The following KCNN4 variants were observed in gnomAD, a reference collection of about 807,000 sequenced individuals.
KCNN4 encodes intermediate conductance calcium-activated potassium channel protein 4.
A neutral mutation model predicts 45.2 loss-of-function variants in KCNN4; 31 were observed. The observed-to-expected ratio is 0.69, with a 90% CI of 0.52 to 0.92. The LOEUF (loss-of-function observed/expected upper bound fraction) is 0.92, where lower values mean the gene tolerates loss of function less well. KCNN4 is among the 40% of genes least tolerant of loss of function. The probability of loss-of-function intolerance (pLI) is 0.00; values close to 1 mark genes in which losing one functional copy is unlikely to be tolerated. For synonymous variants in KCNN4, 231 were observed against 254.6 expected, an observed-to-expected ratio of 0.91 and a Z score of 0.88; for missense variants, 463 against 574.0, an observed-to-expected ratio of 0.81 and a Z score of 1.98.
chr19:43,775,563 G>C (rs1969777421), intron 2 of KCNN4, among the ~76,000 whole-genome samples: 1 of 152,162 alleles, frequency 6.6e-6, no homozygotes, highest in Non-Finnish European at 1.5e-5. Context: ...AGATGATAAT[G>C]TGCACTGTTT....
intron 2 of KCNN4, among the ~76,000 whole-genome samples, 186 bp downstream of exon 2, chr19:43,776,355 G>T (rs1252985644): frequency 6.6e-6 from 1 of 151,742 alleles, no homozygotes; most frequent in Middle Eastern, 3.2e-3. Flanking sequence ...GGCGGAGCTG[G>T]TGGGGGAGGC....
chr19:43,776,449 A>G, intron 2 of KCNN4, 92 bp downstream of exon 2: 1 of 866,296 alleles, frequency 1.2e-6, no homozygotes, highest in Non-Finnish European at 2.0e-6. Context: ...TTCATTACTC[A>G]GATCAGGAGG....
At chr19:43,773,374 G>A (rs928693049) in intron 3 of KCNN4, among the ~76,000 whole-genome samples, 1 of 152,206 alleles carries the variant, frequency 6.6e-6, no homozygotes, top group African/African-American at 2.4e-5. Flanking sequence ...GGCTCAGAGA[G>A]GAGAGATCTA....
Position 43,774,762 on chromosome 19 carries a change from G to A in KCNN4, c.256-143C>T. ...GGGAGTGCAGGGCGGGAGAGGGATA[G>A]GGAGGGAGCGGGACAGGACTTGAGG... On this transcript the variant is annotated intron_variant, in intron 2 of 8. Transcript: ENST00000648319. This position sits in a 1 kb window ranked among gnomAD's most constrained non-coding sequence, Gnocchi z 5.6. 4.8e-6 allele frequency: 3 copies of A among 622,478 alleles called. No individual in the cohort carries two copies. The highest frequency in any genetic ancestry group is 3.1e-5 in the East Asian group (1 of 31,850). 38.6% of individuals were successfully genotyped at this position (622,478 alleles called of 1,614,324 possible).
In KCNN4 at chr19:43,769,845, G is replaced by A. The variant is rs200467362; in HGVS notation, c.820-16C>T. ...AGCAGACACCCTGTGGGCACAGCAG[G>A]CACCGTGGCATGAGGCTGTGCCACC... On this transcript the variant is annotated splice_polypyrimidine_tract_variant and intron_variant, in intron 4 of 8. Coordinates refer to ENST00000648319, the MANE Select transcript of KCNN4 (RefSeq NM_002250.3). This position sits in a 1 kb window ranked among gnomAD's most constrained non-coding sequence, Gnocchi z 4.4. The A allele has an allele frequency of 4.3e-5, 68 of 1,586,718 alleles. No individual in the cohort carries two copies. Among genetic ancestry groups the A allele is most frequent in the Middle Eastern group, 1.7e-4 (1 of 5,982 alleles).
chr19:43,777,326 G>GTGT (rs1555725374), intron 1 of KCNN4, among the ~76,000 whole-genome samples: 38,244 of 141,182 alleles, frequency 0.27, 5,309 homozygotes, highest in South Asian at 0.42. Context: ...TGTGTGTGTG[G>GTGT]GTGTGTGTGT....
Position 43,772,021 on chromosome 19 carries a change from G to A in KCNN4, c.798C>T (p.Val266=). 6.2e-7 allele frequency: 1 copy of A among 1,612,520 alleles called. No homozygotes were observed. The change falls in exon 4 of 9, where the codon GTC becomes GTT. Residue 266 remains valine (V), a synonymous_variant. Coordinates refer to ENST00000648319, the MANE Select transcript of KCNN4 (RefSeq NM_002250.3). The surrounding 1 kb of genome is among the most constrained non-coding windows in gnomAD (Gnocchi z 4.4). Reference sequence around the variant, plus strand: ...TCACCATGACTCCAGTGCACAGGCAGACGATCTTGCCCCACATGGTGCCCG... The same window carrying A: ...TCACCATGACTCCAGTGCACAGGCAAACGATCTTGCCCCACATGGTGCCCG... ...VVPGTMWGKI[V]CLCTGVMGVC... is the part of the protein sequence containing the mutation.
chr19:43,776,626 T>A lies in KCNN4; in HGVS notation c.170A>T (p.Tyr57Phe), dbSNP rs1362882367. 5 of 1,612,398 alleles carry A rather than the reference T, an allele frequency of 3.1e-6. No homozygotes were observed. Among genetic ancestry groups the A allele is most frequent in the Non-Finnish European group, 4.2e-6 (5 of 1,178,734 alleles). Residue 57 changes from tyrosine (Y) to phenylalanine (F), a missense_variant, in exon 2 of 9, where the codon TAC becomes TTC. Transcript: ENST00000648319. ...GATCGTGCATTTAACCAGGAACAGG[T>A]AGAGCGCCCACTGTCAGGGGGGACG... Reference protein sequence around the residue: ...LWFGGCSWALYLFLVKCTISI... With the variant: ...LWFGGCSWALFLFLVKCTISI...
intron 2 of KCNN4, among the ~76,000 whole-genome samples, chr19:43,776,082 C>T (rs1006893006): frequency 2.3e-5 from 3 of 131,500 alleles, no homozygotes; most frequent in Non-Finnish European, 4.6e-5. Flanking sequence ...GAGCAGAGAT[C>T]GTGCCACTCC....
At chr19:43,779,539 C>T (rs1399637086) in intron 1 of KCNN4, among the ~76,000 whole-genome samples, 1 of 152,156 alleles carries the variant, frequency 6.6e-6, no homozygotes, top group African/African-American at 2.4e-5. Context: ...AGTTCCACAA[C>T]CCTTCTGCCA....
At chr19:43,773,987 T>C (rs997896676) in intron 3 of KCNN4, among the ~76,000 whole-genome samples, 4 of 152,046 alleles carry the variant, frequency 2.6e-5, no homozygotes, top group African/African-American at 9.7e-5. Context: ...AGGTGGAGGA[T>C]TGGCTGGGGG....
Position 43,769,782 on chromosome 19 carries a change from C to G in KCNN4, c.867G>C (p.Leu289=), listed in dbSNP as rs1049763454. The G allele has an allele frequency of 1.9e-6, 3 of 1,613,876 alleles. No homozygotes were observed. Among genetic ancestry groups the G allele is most frequent in the Middle Eastern group, 1.7e-4 (1 of 6,060 alleles). The change falls in exon 5 of 9, where the codon CTG becomes CTC. Residue 289 remains leucine, a synonymous_variant. Transcript: ENST00000648319. This position sits in a 1 kb window ranked among gnomAD's most constrained non-coding sequence, Gnocchi z 4.4. ...CGTGCTTCTCTGCCTTGTTAAACTC[C>G]AGCTTCCGGGCCACCACGGCCACCA... is the stretch of plus-strand genomic sequence containing the variant. ...ALLVAVVARK[L]EFNKAEKHVH...
rs1015208090 is a variant in KCNN4, at chr19:43,778,886, C to T, written c.159+1817G>A. ...AGATTGAGATGGAGGTGGTGAGGGG[C>T]GGTGGATGTTATTAAGAGAGTCCTC... On this transcript the variant is annotated intron_variant, in intron 1 of 8. Coordinates refer to ENST00000648319, the MANE Select transcript of KCNN4 (RefSeq NM_002250.3). Among the ~76,000 whole-genome samples, 4 of 152,052 alleles carry T rather than the reference C, an allele frequency of 2.6e-5. No homozygotes were observed. In the South Asian group the frequency reaches 6.2e-4, roughly 24 times the overall value.
intron 2 of KCNN4, among the ~76,000 whole-genome samples, chr19:43,775,131 G>A (rs564786269): frequency 6.6e-6 from 1 of 152,336 alleles, no homozygotes; most frequent in East Asian, 1.9e-4. Flanking sequence ...TTTGAGACAA[G>A]CCTGGCCAAC....
rs537796822 is a variant in KCNN4, at chr19:43,769,253, G to A, written c.1049+189C>T. 15 of 672,314 alleles carry A rather than the reference G, an allele frequency of 2.2e-5. No individual in the cohort carries two copies. In the African/African-American group the frequency reaches 2.5e-4, roughly 11 times the overall value. 41.6% of individuals were successfully genotyped at this position (672,314 alleles called of 1,614,324 possible). ...CAGGTCCGCAGACACACCGAGATAT[G>A]CGGAGACAAACCAGCACAGACACAT... On this transcript the variant is annotated intron_variant, in intron 6 of 8. Transcript: ENST00000648319. The surrounding 1 kb of genome is among the most constrained non-coding windows in gnomAD (Gnocchi z 4.4).
At position 43,766,867 on chromosome 19, in the gene KCNN4, TGG is replaced by T. The variant is rs1020284442; in HGVS notation, c.*224_*225del. On this transcript the variant is annotated 3_prime_UTR_variant, in exon 9 of 9. Coordinates refer to ENST00000648319, the MANE Select transcript of KCNN4 (RefSeq NM_002250.3). ...GTGTTTTTGATGAGGGTATGCAGAGTGGGGGTGACCATGTTCCCACCTGGGGC... is the reference window on the plus strand; with the variant it reads ...GTGTTTTTGATGAGGGTATGCAGAGTGGGTGACCATGTTCCCACCTGGGGC... The T allele has an allele frequency of 2.0e-5, 3 of 152,906 alleles. No homozygotes were observed. The highest frequency in any genetic ancestry group is 4.4e-5 in the Non-Finnish European group (3 of 68,370). The allele number at this position is 152,906 out of a possible 1,614,324, so 9.5% of individuals were successfully genotyped here. A position where few individuals can be genotyped will look rare whatever the true frequency, so the allele number is the denominator to read the frequency against.
intron 7 of KCNN4, 53 bp downstream of exon 7, chr19:43,768,910 T>A: frequency 6.3e-7 from 1 of 1,587,780 alleles, no homozygotes; most frequent in Non-Finnish European, 8.7e-7. Flanking sequence ...TTTCCCTCCC[T>A]GTGGCCCCAA....
At chr19:43,778,684 C>G (rs1202562988) in intron 1 of KCNN4, among the ~76,000 whole-genome samples, 5 of 152,102 alleles carry the variant, frequency 3.3e-5, no homozygotes, top group Non-Finnish European at 5.9e-5. Context: ...CTCCATGTAT[C>G]TCTGTGTCTC....
chr19:43,775,042 T>C (rs2146457291), intron 2 of KCNN4, among the ~76,000 whole-genome samples: 1 of 152,306 alleles, frequency 6.6e-6, no homozygotes, highest in Non-Finnish European at 1.5e-5. Flanking sequence ...AACAAAGCCA[T>C]GGGCCGGGCG....
Sources: gnomAD v4.1 joint callset for allele counts (sites outside exome capture counted in the v4.1 genomes callset) on GRCh38, gnomAD v4.1.1 for gene constraint, Gnocchi (gnomAD v3.1) non-coding constraint, MANE v1.5 for transcripts, NCBI Gene and HGNC (gene_info 2026-07-23, HGNC 2026-07-21) for gene names.